CCL2: variants seen among roughly 807,000 people sequenced by gnomAD.
The protein encoded by CCL2 is C-C motif chemokine 2.
Under a neutral mutation model 6.7 loss-of-function variants are expected in CCL2, and 2 were observed. The ratio of observed to expected loss-of-function variants is 0.30; its 90% CI spans 0.12 to 0.94. CCL2 has a LOEUF of 0.94. CCL2 is among the 40% of genes least tolerant of loss of function. The probability of loss-of-function intolerance (pLI) is 0.54; values close to 1 mark genes in which losing one functional copy is unlikely to be tolerated. For missense variants in CCL2, 89 were observed against 119.3 expected (o/e 0.75, Z 1.18); for synonymous variants, 43 against 45.2 (o/e 0.95, Z 0.19).
In CCL2 at chr17:34,256,815, T is replaced by C; in HGVS notation, c.288T>C (p.Thr96=). Residue 96 remains threonine (T), a synonymous_variant, in exon 3 of 3, where the codon ACT becomes ACC. Transcript: ENST00000225831. The part of the protein sequence containing the change: ...SMDHLDKQTQ[T]PKT ...ACCACCTGGACAAGCAAACCCAAAC[T>C]CCGAAGACTTGAACACTCACTCCAC... The C allele has an allele frequency of 6.2e-7, 1 of 1,612,128 alleles. No homozygotes were observed. Among genetic ancestry groups the C allele is most frequent in the Non-Finnish European group, 8.5e-7 (1 of 1,178,340 alleles).
At chr17:34,255,671 C>T (rs1468487052) in intron 1 of CCL2, 4 of 481,456 alleles carry the variant, frequency 8.3e-6, no homozygotes, top group Admixed American at 7.6e-5. Context: ...ACACACTCAG[C>T]GCAGTTACTC....
intron 2 of CCL2, 63 bp from the exon 3 acceptor site, chr17:34,256,659 G>A: frequency 1.7e-6 from 2 of 1,146,628 alleles, no homozygotes; most frequent in East Asian, 2.4e-5. Flanking sequence ...GTGCAGAATG[G>A]GCTGCACTTC....
chr17:34,255,497 C>G, intron 1 of CCL2, 72 bp downstream of exon 1: 1 of 1,321,726 alleles, frequency 7.6e-7, no homozygotes, highest in Non-Finnish European at 1.1e-6. Context: ...TCCAAGCAGA[C>G]GTGGTACCCA....
chr17:34,255,935 A>G, intron 1 of CCL2: 1 of 328,294 alleles, frequency 3.0e-6, no homozygotes, highest in East Asian at 5.7e-5. Flanking sequence ...CATCTGGATT[A>G]TTGGTCCGTC....
chr17:34,256,764 G>A lies in CCL2; in HGVS notation c.237G>A (p.Lys79=), dbSNP rs1489813597. The A allele has an allele frequency of 1.2e-6, 2 of 1,613,854 alleles. No individual in the cohort carries two copies. Among genetic ancestry groups the A allele is most frequent in the South Asian group, 2.2e-5 (2 of 91,058 alleles). ...CCAAGGAGATCTGTGCTGACCCCAA[G>A]CAGAAGTGGGTTCAGGATTCCATGG... The part of the protein sequence containing the change: ...IVAKEICADP[K]QKWVQDSMDH... Residue 79 remains lysine (K), a synonymous_variant, in exon 3 of 3, where the codon AAG becomes AAA. Transcript: ENST00000225831.
intron 1 of CCL2, 61 bp from the exon 2 acceptor site, chr17:34,256,161 C>T (rs1301041017): frequency 6.0e-6 from 7 of 1,175,618 alleles, no homozygotes; most frequent in Non-Finnish European, 7.5e-6. Context: ...CTTTTCTGCT[C>T]TTAAGATCAG....
chr17:34,256,168 T>G, intron 1 of CCL2, 54 bp from the exon 2 acceptor site: 3 of 1,205,482 alleles, frequency 2.5e-6, no homozygotes, highest in Non-Finnish European at 2.4e-6. Context: ...GCTCTTAAGA[T>G]CAGAATAATC....
chr17:34,256,788 G>C lies in CCL2; in HGVS notation c.261G>C (p.Met87Ile). ...AGCAGAAGTGGGTTCAGGATTCCAT[G>C]GACCACCTGGACAAGCAAACCCAAA... Reference protein sequence around the residue: ...DPKQKWVQDSMDHLDKQTQTP... With the variant: ...DPKQKWVQDSIDHLDKQTQTP... The change falls in exon 3 of 3, where the codon ATG becomes ATC. Residue 87 changes from methionine (M) to isoleucine (I), a missense_variant. Coordinates refer to ENST00000225831, the MANE Select transcript of CCL2 (RefSeq NM_002982.4). The C allele has an allele frequency of 6.2e-7, 1 of 1,613,674 alleles. No homozygotes were observed. The highest frequency in any genetic ancestry group is 8.5e-7 in the Non-Finnish European group (1 of 1,179,756).
rs1267256599 is a variant in CCL2, at chr17:34,256,908, T to C, written c.*81T>C. ...CCAGACACCCTGTTTTATTTTATTATAATGAATTTTGTTTGTTGATGTGAA... is the reference window on the plus strand; with the variant it reads ...CCAGACACCCTGTTTTATTTTATTACAATGAATTTTGTTTGTTGATGTGAA... On this transcript the variant is annotated 3_prime_UTR_variant, in exon 3 of 3. Coordinates refer to ENST00000225831, the MANE Select transcript of CCL2 (RefSeq NM_002982.4). 5.1e-6 allele frequency: 4 copies of C among 786,028 alleles called. No homozygotes were observed. The highest frequency in any genetic ancestry group is 3.5e-5 in the South Asian group (2 of 56,732). The allele number at this position is 786,028 out of a possible 1,614,324, so 48.7% of individuals were successfully genotyped here. A position where few individuals can be genotyped will look rare whatever the true frequency, so the allele number is the denominator to read the frequency against.
At chr17:34,256,393 G>A (rs1907686898) in intron 2 of CCL2, 54 bp downstream of exon 2, 1 of 1,180,920 alleles carries the variant, frequency 8.5e-7, no homozygotes, top group South Asian at 1.2e-5. Flanking sequence ...TGTGGAGCAA[G>A]GGACAAGCCT....
Position 34,256,185 on chromosome 17 carries a change from A to T in CCL2, c.77-37A>T, listed in dbSNP as rs138139914. The T allele has an allele frequency of 1.7e-5, 24 of 1,371,626 alleles. 1 individual carries two copies. In the Middle Eastern group the frequency reaches 5.4e-4, roughly 31 times the overall value. 85.0% of individuals were successfully genotyped at this position (1,371,626 alleles called of 1,614,324 possible). On this transcript the variant is annotated intron_variant, in intron 1 of 2. Coordinates refer to ENST00000225831, the MANE Select transcript of CCL2 (RefSeq NM_002982.4). ...TCTTAAGATCAGAATAATCCAGTTC[A>T]TCCTAAAATGCTTTTTCTTTGTGGT... is the stretch of plus-strand genomic sequence containing the variant.
intron 1 of CCL2, chr17:34,255,959 T>C: frequency 2.4e-6 from 1 of 412,780 alleles, no homozygotes; most frequent in South Asian, 3.5e-5. Flanking sequence ...ATGACACTTG[T>C]AGGCATTATC....
In CCL2 at chr17:34,257,063, C is replaced by T. The variant is rs1009817530; in HGVS notation, c.*236C>T. On this transcript the variant is annotated 3_prime_UTR_variant, in exon 3 of 3. Transcript: ENST00000225831. ...CTTTTCCTCTTGAACCACAGTTCTA[C>T]CCCTGGGATGTTTTGAGGGTCTTTG... 1 of 366,562 alleles carries T rather than the reference C, an allele frequency of 2.7e-6. No homozygotes were observed. The highest frequency in any genetic ancestry group is 4.9e-6 in the Non-Finnish European group (1 of 202,320). 22.7% of individuals were successfully genotyped at this position (366,562 alleles called of 1,614,324 possible). A position where few individuals can be genotyped will look rare whatever the true frequency, so the allele number is the denominator to read the frequency against.
chr17:34,255,714 G>T, intron 1 of CCL2: 1 of 406,064 alleles, frequency 2.5e-6, no homozygotes, highest in Non-Finnish European at 4.4e-6. Context: ...TTGGGGATCA[G>T]GGTAATCAAA....
In CCL2 at chr17:34,256,271, G is replaced by C; in HGVS notation, c.126G>C (p.Lys42Asn). 1 of 1,613,948 alleles carries C rather than the reference G, an allele frequency of 6.2e-7. No individual in the cohort carries two copies. Among genetic ancestry groups the C allele is most frequent in the Non-Finnish European group, 8.5e-7 (1 of 1,179,848 alleles). ...VTCCYNFTNR[K>N]ISVQRLASYR... The stretch of plus-strand genomic sequence containing the variant: ...GCTGTTATAACTTCACCAATAGGAA[G>C]ATCTCAGTGCAGAGGCTCGCGAGCT... Residue 42 changes from lysine to asparagine, a missense_variant, in exon 2 of 3, where the codon AAG becomes AAC. By Grantham distance (94) the Lys-to-Asn change is moderately conservative. Coordinates refer to ENST00000225831, the MANE Select transcript of CCL2 (RefSeq NM_002982.4).
At chr17:34,256,153 T>A in intron 1 of CCL2, 69 bp from the exon 2 acceptor site, 5 of 1,089,790 alleles carry the variant, frequency 4.6e-6, no homozygotes, top group Non-Finnish European at 6.9e-6. Context: ...TCATGACTCT[T>A]TTCTGCTCTT....
rs1484402256 is a variant in CCL2, at chr17:34,255,510, G to C, written c.76+85G>C. 3.2e-6 allele frequency: 4 copies of C among 1,234,764 alleles called. No individual in the cohort carries two copies. In the African/African-American group the frequency reaches 4.5e-5, roughly 14 times the overall value. The allele number at this position is 1,234,764 out of a possible 1,614,324, so 76.5% of individuals were successfully genotyped here. A position where few individuals can be genotyped will look rare whatever the true frequency, so the allele number is the denominator to read the frequency against. ...CATCCAAGCAGACGTGGTACCCACA[G>C]TCTTGCTTTAACGCTACTTTTCCAA... On this transcript the variant is annotated intron_variant, in intron 1 of 2. Coordinates refer to ENST00000225831, the MANE Select transcript of CCL2 (RefSeq NM_002982.4).
Position 34,255,333 on chromosome 17 carries a change from G to T in CCL2, c.-17G>T, listed in dbSNP as rs1203176025. 2.5e-6 allele frequency: 4 copies of T among 1,611,694 alleles called. No individual in the cohort carries two copies. The highest frequency in any genetic ancestry group is 2.2e-5 in the East Asian group (1 of 44,822). On this transcript the variant is annotated 5_prime_UTR_variant, in exon 1 of 3. Coordinates refer to ENST00000225831, the MANE Select transcript of CCL2 (RefSeq NM_002982.4). ...ACATCCAATTCTCAAACTGAAGCTCGCACTCTCGCCTCCAGCATGAAAGTC... is the reference window on the plus strand; with the variant it reads ...ACATCCAATTCTCAAACTGAAGCTCTCACTCTCGCCTCCAGCATGAAAGTC...
chr17:34,255,978 ACAGCTCCTCCTTCT>A (rs3917887), intron 1 of CCL2: 148,276 of 451,188 alleles, frequency 0.33, 26,054 homozygotes, highest in East Asian at 0.61. Flanking sequence ...TCTAGCTTTA[ACAGCTCCTCCTTCT>A]CTCTGTCCAT....
Sources: allele counts gnomAD v4.1 joint callset, GRCh38; gene constraint gnomAD v4.1.1; transcripts MANE v1.5; gene names NCBI Gene and HGNC (gene_info 2026-07-23, HGNC 2026-07-21).